MIA2: variants seen among roughly 807,000 people sequenced by gnomAD.
MIA2 encodes the protein MIA SH3 domain ER export factor 2.
Under a neutral mutation model 167.8 loss-of-function variants are expected in MIA2, and 127 were observed. The observed-to-expected ratio is 0.76, with a 90% CI of 0.66 to 0.88. MIA2 has a LOEUF of 0.88. MIA2 is among the 40% of genes least tolerant of loss of function. MIA2 has a pLI of 0.00. For missense variants in MIA2, 1,690 were observed against 1,624.7 expected, an observed-to-expected ratio of 1.04 and a Z score of -0.69; for synonymous variants, 552 against 541.9, an observed-to-expected ratio of 1.02 and a Z score of -0.26.
intron 4 of MIA2, among the ~76,000 whole-genome samples, chr14:39,250,471 A>G (rs1311261963): frequency 1.3e-5 from 2 of 151,906 alleles, no homozygotes; most frequent in Admixed American, 1.3e-4. Context: ...CGAGGCAGGC[A>G]GATTACTTGA....
At chr14:39,338,824 C>G (rs934918319) in intron 25 of MIA2, among the ~76,000 whole-genome samples, 1 of 152,130 alleles carries the variant, frequency 6.6e-6, no homozygotes, top group Non-Finnish European at 1.5e-5. Context: ...AATTCTTTTG[C>G]CAGGGTTAAC....
In MIA2 at chr14:39,267,610, A is replaced by T. The variant is rs2056144977; in HGVS notation, c.1888-9324A>T. The T allele has an allele frequency of 2.7e-6, 4 of 1,493,140 alleles. No homozygotes were observed. The African/African-American group carries it at 5.6e-5, about 21-fold the overall frequency. 92.5% of individuals were successfully genotyped at this position (1,493,140 alleles called of 1,614,324 possible). A position where few individuals can be genotyped will look rare whatever the true frequency, so the allele number is the denominator to read the frequency against. ...AGCAGTAGACCGGCTTTGGGGTCTA[A>T]GCCGCCGTGGTCAGAGGTCCCGAAG... On this transcript the variant is annotated intron_variant, in intron 6 of 28. Coordinates refer to ENST00000640607, the MANE Select transcript of MIA2 (RefSeq NM_001329214.4).
downstream of MIA2, among the ~76,000 whole-genome samples, chr14:39,353,376 A>G (rs1165717566): frequency 6.6e-6 from 1 of 152,044 alleles, no homozygotes; most frequent in Non-Finnish European, 1.5e-5. Flanking sequence ...TCTGGTATCT[A>G]TCATTCTATT....
chr14:39,386,269 C>T (rs1020858757), intron 23 of MIA2: 17 of 1,438,608 alleles, frequency 1.2e-5, no homozygotes, highest in African/African-American at 5.6e-5. Flanking sequence ...ATAACTCAGT[C>T]GGTAATTTCT....
intron 18 of MIA2, among the ~76,000 whole-genome samples, chr14:39,311,579 G>T (rs992909521): frequency 7.0e-6 from 1 of 142,676 alleles, no homozygotes. Context: ...CCGGGTTCAC[G>T]CCATTCTCCT....
chr14:39,373,871 A>G (rs1567058068), intron 23 of MIA2, among the ~76,000 whole-genome samples: 1 of 152,124 alleles, frequency 6.6e-6, no homozygotes, highest in Non-Finnish European at 1.5e-5. Context: ...AAGAAAAAAA[A>G]CAAACTCTGG....
chr14:39,288,416 G>A (rs2060104419), intron 9 of MIA2, among the ~76,000 whole-genome samples: 2 of 133,370 alleles, frequency 1.5e-5, no homozygotes, highest in South Asian at 4.7e-4. Flanking sequence ...ATTGATTTGA[G>A]CGTGTATATA....
At chr14:39,323,276 T>C (rs1469976600) in intron 24 of MIA2, among the ~76,000 whole-genome samples, 1 of 152,090 alleles carries the variant, frequency 6.6e-6, no homozygotes, top group Non-Finnish European at 1.5e-5. Flanking sequence ...CTGGGGTCCC[T>C]ACAGAGCCTC....
chr14:39,267,312 C>G, intron 6 of MIA2: 2 of 1,491,522 alleles, frequency 1.3e-6, no homozygotes, highest in Non-Finnish European at 1.8e-6. Context: ...TGTCCCCCAG[C>G]TCCCCCCGCA....
intron 13 of MIA2, among the ~76,000 whole-genome samples, chr14:39,298,533 T>TTTTTGTTTTTTTTTTTTTTG: frequency 7.7e-6 from 1 of 129,246 alleles, no homozygotes. Context: ...GAACAGAGTT[T>TTTTTGTTTTTTTTTTTTTTG]TTTTTTTTTT....
At position 39,291,083 on chromosome 14, in the gene MIA2, C is replaced by T; in HGVS notation, c.2195C>T (p.Ala732Val). 1 of 1,603,006 alleles carries T rather than the reference C, an allele frequency of 6.2e-7. No individual in the cohort carries two copies. Among genetic ancestry groups the T allele is most frequent in the South Asian group, 1.1e-5 (1 of 88,360 alleles). ...AGCTTTGAGAAGGAGGCAACAGAAG[C>T]ACAAAGTTTGGAGGTAGAAAATCAA... ...DASFEKEATE[A>V]QSLEATCEKL... The change falls in exon 10 of 29, where the codon GCA becomes GTA. Residue 732 changes from alanine (A) to valine (V), a missense_variant. Coordinates refer to ENST00000640607, the MANE Select transcript of MIA2 (RefSeq NM_001329214.4).
intron 23 of MIA2, among the ~76,000 whole-genome samples, chr14:39,380,945 T>C (rs1305195514): frequency 2.0e-5 from 3 of 151,794 alleles, no homozygotes; most frequent in African/African-American, 7.3e-5. Context: ...AAGACTTTTC[T>C]GTAAGTCTCT....
chr14:39,294,125 A>G (rs2061095314), intron 12 of MIA2, 54 bp downstream of exon 12: 5 of 1,259,772 alleles, frequency 4.0e-6, no homozygotes. Context: ...TTTTAGTTTA[A>G]TTTTTTAAAA....
In MIA2 at chr14:39,274,170, G is replaced by A. The variant is rs114237023; in HGVS notation, c.1888-2764G>A. ...AAGTGTTCTGTGATTAATCACTACC[G>A]TACTTTATGGAGGGTTACTCTTGGA... On this transcript the variant is annotated intron_variant, in intron 6 of 28. Coordinates refer to ENST00000640607, the MANE Select transcript of MIA2 (RefSeq NM_001329214.4). 6.9e-3 allele frequency among the ~76,000 whole-genome samples: 1,056 copies of A among 152,108 alleles called. 7 individuals are homozygous for A. The highest frequency in any genetic ancestry group is 0.019 in the African/African-American group (801 of 41,496).
At chr14:39,384,775 C>T (rs2075239135) in intron 23 of MIA2, among the ~76,000 whole-genome samples, 2 of 152,248 alleles carry the variant, frequency 1.3e-5, no homozygotes, top group Non-Finnish European at 1.5e-5. Context: ...GACATACATA[C>T]ATGTGCACGC....
intron 4 of MIA2, among the ~76,000 whole-genome samples, chr14:39,250,920 C>T (rs1018661310): frequency 6.6e-5 from 10 of 151,666 alleles, no homozygotes; most frequent in African/African-American, 2.2e-4. Flanking sequence ...TTCCAAAACA[C>T]TACAATATTA....
chr14:39,264,459 C>G (rs774897759), intron 6 of MIA2, among the ~76,000 whole-genome samples: 1 of 152,158 alleles, frequency 6.6e-6, no homozygotes, highest in South Asian at 2.1e-4. Context: ...GGTATATACC[C>G]AGTAATGACA....
chr14:39,349,839 ATAAT>A (rs1426876381), intron 28 of MIA2, among the ~76,000 whole-genome samples: 2 of 152,204 alleles, frequency 1.3e-5, no homozygotes, highest in African/African-American at 2.4e-5. Flanking sequence ...ATATTTTGAA[ATAAT>A]TCCTCTTTTT....
At chr14:39,351,098 A>T (rs2074345405), downstream of MIA2, 1 of 152,136 alleles carries the variant, frequency 6.6e-6, no homozygotes, top group African/African-American at 2.4e-5. Flanking sequence ...TGTTTCCCTA[A>T]ATCAGATTTG....
Sources: allele counts gnomAD v4.1 joint callset (sites outside exome capture counted in the v4.1 genomes callset), GRCh38; gene constraint gnomAD v4.1.1; transcripts MANE v1.5; gene names NCBI Gene and HGNC (gene_info 2026-07-23, HGNC 2026-07-21).